Variants in ZFHX3 observed in about 807,000 individuals in gnomAD.
The protein encoded by ZFHX3 is zinc finger homeobox 3.
ZFHX3 carries 42 observed loss-of-function variants against 279.1 expected under a neutral mutation model. The ratio of observed to expected loss-of-function variants is 0.15; its 90% confidence interval spans 0.12 to 0.19. ZFHX3 has a LOEUF of 0.19. Ranked by LOEUF, ZFHX3 falls within the 10% of genes least tolerant of loss-of-function variation. The probability of loss-of-function intolerance (pLI) is 1.00; values close to 1 mark genes in which losing one functional copy is unlikely to be tolerated. For missense variants in ZFHX3, 4,981 were observed against 4,754.0 expected, an observed-to-expected ratio of 1.05 and a Z score of -1.40; for synonymous variants, 2,293 against 1,957.8, an observed-to-expected ratio of 1.17 and a Z score of -4.52.
intron 5 of ZFHX3, among the ~76,000 whole-genome samples, chr16:73,246,461 A>G (rs2013282656): frequency 1.3e-5 from 2 of 152,170 alleles, no homozygotes; most frequent in South Asian, 4.1e-4. Context: ...CTGCGCTCCT[A>G]AACAGCCAGC....
chr16:73,742,256 C>T (rs1320803095), intron 1 of ZFHX3, among the ~76,000 whole-genome samples: 1 of 152,174 alleles, frequency 6.6e-6, no homozygotes, highest in Non-Finnish European at 1.5e-5. Context: ...GTCTAGTTCA[C>T]CCATTTTAAA....
chr16:73,543,751 A>T (rs1203994765), intron 2 of ZFHX3, among the ~76,000 whole-genome samples: 2 of 145,672 alleles, frequency 1.4e-5, no homozygotes, highest in Non-Finnish European at 3.0e-5. Flanking sequence ...CTTCTCTATC[A>T]AGGAATGATG....
intron 1 of ZFHX3, among the ~76,000 whole-genome samples, chr16:72,999,114 A>G (rs1339526691): frequency 6.6e-6 from 1 of 152,220 alleles, no homozygotes; most frequent in East Asian, 1.9e-4. Context: ...ACATGAGATT[A>G]CACAGAATAA....
intron 3 of ZFHX3, among the ~76,000 whole-genome samples, chr16:73,385,830 T>C (rs2143381459): frequency 6.6e-6 from 1 of 152,230 alleles, no homozygotes; most frequent in Non-Finnish European, 1.5e-5. Context: ...ATGAGGCAGT[T>C]TGGCCTTTGT....
At chr16:73,877,428 A>C (rs1356576530) in intron 1 of ZFHX3, among the ~76,000 whole-genome samples, 1 of 152,200 alleles carries the variant, frequency 6.6e-6, no homozygotes, top group East Asian at 1.9e-4. Context: ...GCTAGTGGTT[A>C]CTATGGTGAT....
chr16:73,315,304 G>T (rs1244300872), intron 4 of ZFHX3, among the ~76,000 whole-genome samples: 1 of 152,092 alleles, frequency 6.6e-6, no homozygotes, highest in African/African-American at 2.4e-5. Context: ...CCCCTATGTG[G>T]TGGAAATGCA....
intron 1 of ZFHX3, among the ~76,000 whole-genome samples, chr16:73,019,299 G>A (rs1964211484): frequency 6.6e-6 from 1 of 152,088 alleles, no homozygotes. Context: ...AGCCCCAGAA[G>A]GGCCTCTGAA....
rs770062973 is a variant in ZFHX3, at chr16:72,950,660, C to A, written c.3025G>T (p.Val1009Leu). The change falls in exon 3 of 10, where the codon GTG becomes TTG. Residue 1009 changes from valine to leucine, a missense_variant. Coordinates refer to ENST00000268489, the MANE Select transcript of ZFHX3 (RefSeq NM_006885.4). Reference protein sequence around the residue: ...FQLHCKTDKHVQKYQLVAHIK... With the variant: ...FQLHCKTDKHLQKYQLVAHIK... Reference sequence around the variant, plus strand: ...TGGGCCACCAGCTGGTACTTCTGCACGTGCTTGTCTGTCTTGCAGTGCAGC... The same window carrying A: ...TGGGCCACCAGCTGGTACTTCTGCAAGTGCTTGTCTGTCTTGCAGTGCAGC... 1 of 1,614,238 alleles carries A rather than the reference C, an allele frequency of 6.2e-7. No homozygotes were observed. The highest frequency in any genetic ancestry group is 1.1e-5 in the South Asian group (1 of 91,092).
intron 2 of ZFHX3, among the ~76,000 whole-genome samples, chr16:73,478,579 T>C (rs1258904802): frequency 6.6e-6 from 1 of 152,242 alleles, no homozygotes; most frequent in East Asian, 1.9e-4. Context: ...TTGTTTTCAC[T>C]TAAGCAAATG....
rs564181897 is a variant in ZFHX3 at position 73,192,360 on chromosome 16, C to T, written c.-1103-48529G>A. 2.6e-5 allele frequency among the ~76,000 whole-genome samples: 4 copies of T among 152,260 alleles called. No individual in the cohort carries two copies. The South Asian group carries it at 8.3e-4, about 32-fold the overall frequency. ...TGCTGAAACCCAAACCACCCGCCGC[C>T]CTGGCTTCCTGGGATTTCTGGACAA... On this transcript the variant is annotated intron_variant, in intron 5 of 17. Transcript: ENST00000641206.
chr16:73,331,281 C>T (rs1441699350), intron 3 of ZFHX3, among the ~76,000 whole-genome samples: 1 of 152,206 alleles, frequency 6.6e-6, no homozygotes, highest in African/African-American at 2.4e-5. Context: ...CATGACGTCC[C>T]TCCCATGACA....
intron 2 of ZFHX3, among the ~76,000 whole-genome samples, chr16:73,547,621 G>A (rs989081558): frequency 1.3e-5 from 2 of 152,092 alleles, no homozygotes. Context: ...GGTGAGTAGG[G>A]CTTGATTTTC....
intron 3 of ZFHX3, among the ~76,000 whole-genome samples, chr16:72,930,936 C>T (rs1308263159): frequency 6.6e-6 from 1 of 152,206 alleles, no homozygotes; most frequent in African/African-American, 2.4e-5. Flanking sequence ...AACTAACTCA[C>T]GTGAAATGAG....
At position 73,026,673 on chromosome 16, in the gene ZFHX3, CAAAAAAA is replaced by C. The variant is rs10561679; in HGVS notation, c.-50+21072_-50+21078del. Among the ~76,000 whole-genome samples the C allele has an allele frequency of 7.5e-5, 6 of 79,596 alleles. No homozygotes were observed. The Admixed American group carries it at 8.3e-4, about 11-fold the overall frequency. 52.2% of individuals were successfully genotyped at this position (79,596 alleles called of 152,430 possible). ...CCCGGCAACAAGAGCAAAACTGCCT[CAAAAAAA>C]AAAAAAAAAAAAAAACACATAGTAA... On this transcript the variant is annotated intron_variant, in intron 1 of 9. Transcript: ENST00000268489.
At chr16:73,232,813 GCT>G (rs1362381811) in intron 5 of ZFHX3, 1 of 152,248 alleles carries the variant, frequency 6.6e-6, no homozygotes, top group Non-Finnish European at 1.5e-5. Flanking sequence ...ACAGCTTGCT[GCT>G]CTCTGATGGC....
chr16:73,198,616 T>C (rs528886495), intron 5 of ZFHX3, among the ~76,000 whole-genome samples: 1 of 152,300 alleles, frequency 6.6e-6, no homozygotes, highest in South Asian at 2.1e-4. Context: ...GATGAGTTCT[T>C]GGGTGACATC....
At chr16:73,432,224 C>T (rs1386157884) in intron 3 of ZFHX3, among the ~76,000 whole-genome samples, 2 of 152,136 alleles carry the variant, frequency 1.3e-5, no homozygotes, top group East Asian at 1.9e-4. Flanking sequence ...GTTTCTAGGC[C>T]ATTATTCTCT....
In ZFHX3 at chr16:72,964,621, G is replaced by A. The variant is rs919554126; in HGVS notation, c.-49-4427C>T. 1.5e-4 allele frequency among the ~76,000 whole-genome samples: 23 copies of A among 151,148 alleles called. 1 individual carries two copies. Among genetic ancestry groups the A allele is most frequent in the Admixed American group, 2.6e-4 (4 of 15,202 alleles). On this transcript the variant is annotated intron_variant, in intron 1 of 9. Coordinates refer to ENST00000268489, the MANE Select transcript of ZFHX3 (RefSeq NM_006885.4). The stretch of plus-strand genomic sequence containing the variant: ...TTCAAGGCTGCAGTGAGCTACGATC[G>A]GGCCACTGCATTCCAGCCTGGGTGA...
intron 2 of ZFHX3, among the ~76,000 whole-genome samples, chr16:73,459,614 C>T (rs183720870): frequency 1.2e-4 from 19 of 152,248 alleles, no homozygotes; most frequent in Admixed American, 2.0e-4. Context: ...GTGATCTGCC[C>T]GCCTTGGCCC....
Sources: allele counts gnomAD v4.1 joint callset (sites outside exome capture counted in the v4.1 genomes callset), GRCh38; gene constraint gnomAD v4.1.1; transcripts MANE v1.5; gene names NCBI Gene and HGNC (gene_info 2026-07-23, HGNC 2026-07-21).